The following TBC1D9 variants were observed in gnomAD, a reference collection of about 807,000 sequenced individuals.
The protein encoded by TBC1D9 is TBC1 domain family member 9A.
A neutral mutation model predicts 132.0 loss-of-function variants in TBC1D9; 63 were observed. The observed-to-expected ratio is 0.48, with a 90% CI of 0.39 to 0.59. The LOEUF is 0.59. Among genes scored for constraint, TBC1D9 ranks in the 20% least tolerant of loss-of-function variants. The pLI, the probability that TBC1D9 is intolerant of heterozygous loss-of-function variation, is 0.00. For missense variants in TBC1D9, 1,261 were observed against 1,592.7 expected (o/e 0.79, Z 3.54); for synonymous variants, 610 against 609.9 (o/e 1.00, Z 0.00).
chr4:140,682,081 G>T (rs1737712133), intron 3 of TBC1D9, among the ~76,000 whole-genome samples: 1 of 151,864 alleles, frequency 6.6e-6, no homozygotes, highest in African/African-American at 2.4e-5. Flanking sequence ...CAAATTAAAA[G>T]ATATCTTAAG....
rs537150517 is a variant in TBC1D9, at chr4:140,659,958, C to T, written c.1804-253G>A. ...AGTAAGTGTGCAGGGTCTTCCTTAA[C>T]ACCAATATTCACCAGACAGAGCCCC... On this transcript the variant is annotated intron_variant, in intron 10 of 20. Transcript: ENST00000442267. Among the ~76,000 whole-genome samples, 6 of 152,188 alleles carry T rather than the reference C, an allele frequency of 3.9e-5. No individual in the cohort carries two copies. The South Asian group carries it at 1.0e-3, about 26-fold the overall frequency.
intron 3 of TBC1D9, 63 bp from the exon 4 acceptor site, chr4:140,679,906 C>A (rs925879412): frequency 8.9e-6 from 12 of 1,343,832 alleles, no homozygotes; most frequent in East Asian, 2.5e-5. Flanking sequence ...TGTACATATT[C>A]CAGAAGAAAA....
chr4:140,710,081 A>G (rs941404564), intron 1 of TBC1D9, among the ~76,000 whole-genome samples: 4 of 152,218 alleles, frequency 2.6e-5, no homozygotes, highest in African/African-American at 7.2e-5. Context: ...AATCATTTAT[A>G]TAGCTTTACA....
intron 1 of TBC1D9, among the ~76,000 whole-genome samples, chr4:140,735,154 T>C (rs1179570103): frequency 6.6e-6 from 1 of 152,224 alleles, no homozygotes; most frequent in Non-Finnish European, 1.5e-5. Flanking sequence ...GACATTTATA[T>C]TCTGTTTGAA....
chr4:140,645,077 GC>G, intron 13 of TBC1D9: 1 of 517,462 alleles, frequency 1.9e-6, no homozygotes, highest in Middle Eastern at 3.7e-4. Flanking sequence ...CCAGCACTGG[GC>G]CCCAGGTCAC....
intron 13 of TBC1D9, among the ~76,000 whole-genome samples, chr4:140,650,815 G>T (rs900115416): frequency 2.0e-5 from 3 of 152,144 alleles, no homozygotes; most frequent in Admixed American, 6.5e-5. Context: ...GATTACAGGA[G>T]TGAGCCACCA....
intron 17 of TBC1D9, 88 bp from the exon 18 acceptor site, chr4:140,627,615 T>G (rs552740512): frequency 1.1e-6 from 1 of 905,050 alleles, no homozygotes; most frequent in East Asian, 2.7e-5. Context: ...ATGACATAAG[T>G]GGGGATGAAA....
rs267600024 is a variant in TBC1D9, at chr4:140,662,081, G to T, written c.1615C>A (p.Pro539Thr). The T allele has an allele frequency of 1.1e-5, 17 of 1,613,700 alleles. No homozygotes were observed. Among genetic ancestry groups the T allele is most frequent in the Non-Finnish European group, 1.4e-5 (17 of 1,179,836 alleles). ...SGAINEKATH[P>T]GYYEDLVEKS... ...TCCACTAGGTCTTCATAGTACCCAG[G>T]ATGTGTGGCCTTCTCATTGATGGCA... Residue 539 changes from proline to threonine, a missense_variant, in exon 10 of 21, where the codon CCT (proline) becomes ACT (threonine). This residue lies in a region of TBC1D9 where 550 missense variants were observed against 699.0 expected (regional missense o/e 0.79). Transcript: ENST00000442267.
At chr4:140,715,748 A>G (rs970415678) in intron 1 of TBC1D9, 2 of 152,210 alleles carry the variant, frequency 1.3e-5, no homozygotes, top group Non-Finnish European at 2.9e-5. Flanking sequence ...GTGGAACCTC[A>G]TCACTTTGAG....
intron 1 of TBC1D9, among the ~76,000 whole-genome samples, chr4:140,745,282 T>C (rs1407240074): frequency 6.6e-6 from 1 of 152,238 alleles, no homozygotes; most frequent in Non-Finnish European, 1.5e-5. Context: ...TTAAATATTT[T>C]ACAGAGTTTG....
At chr4:140,730,499 G>A (rs1252246275) in intron 1 of TBC1D9, among the ~76,000 whole-genome samples, 3 of 152,170 alleles carry the variant, frequency 2.0e-5, no homozygotes, top group African/African-American at 7.2e-5. Flanking sequence ...GGCCGAGGCA[G>A]GCAGATCACC....
At chr4:140,623,993 C>A (rs1219275721) in intron 20 of TBC1D9, 123 bp downstream of exon 20, 2 of 719,986 alleles carry the variant, frequency 2.8e-6, no homozygotes, top group Admixed American at 3.7e-5. Context: ...CAAATGGATA[C>A]TAAGTAAAGG....
chr4:140,647,341 T>G (rs939709483), intron 13 of TBC1D9, among the ~76,000 whole-genome samples: 1 of 152,216 alleles, frequency 6.6e-6, no homozygotes, highest in Non-Finnish European at 1.5e-5. Context: ...CTCAGATAAA[T>G]AGCTCTGTAA....
intron 1 of TBC1D9, among the ~76,000 whole-genome samples, chr4:140,704,855 T>A (rs1738126869): frequency 6.6e-6 from 1 of 152,200 alleles, no homozygotes; most frequent in African/African-American, 2.4e-5. Context: ...GGGTTTCTCA[T>A]TAGATGCAAG....
chr4:140,652,128 C>A (rs1181758388), intron 13 of TBC1D9, among the ~76,000 whole-genome samples: 2 of 151,692 alleles, frequency 1.3e-5, no homozygotes, highest in African/African-American at 4.8e-5. Context: ...GTAGTTTCAG[C>A]TACTTGGGAG....
At chr4:140,739,003 A>ATTTTG (rs1738718352) in intron 1 of TBC1D9, among the ~76,000 whole-genome samples, 1 of 152,046 alleles carries the variant, frequency 6.6e-6, no homozygotes, top group African/African-American at 2.4e-5. Context: ...TCAAGACTAA[A>ATTTTG]TTTTGTTTTG....
At chr4:140,736,343 C>T (rs1023021779) in intron 1 of TBC1D9, among the ~76,000 whole-genome samples, 2 of 152,014 alleles carry the variant, frequency 1.3e-5, no homozygotes, top group African/African-American at 4.8e-5. Flanking sequence ...GAGTTTGAGA[C>T]CAGCCTGGCC....
intron 16 of TBC1D9, among the ~76,000 whole-genome samples, chr4:140,629,334 T>C (rs1464673575): frequency 6.6e-6 from 1 of 152,248 alleles, no homozygotes; most frequent in African/African-American, 2.4e-5. Context: ...ATTTTATTTA[T>C]GTTCATATGT....
At chr4:140,657,969 C>T (rs548916862) in intron 11 of TBC1D9, among the ~76,000 whole-genome samples, 157 bp from the exon 12 acceptor site, 2 of 152,346 alleles carry the variant, frequency 1.3e-5, no homozygotes, top group East Asian at 1.9e-4. Flanking sequence ...CAACACAGCT[C>T]AGTCACCAGA....
Sources: gnomAD v4.1 joint callset for allele counts (sites outside exome capture counted in the v4.1 genomes callset) on GRCh38, gnomAD v4.1.1 for gene constraint, gnomAD v4.1.1 regional missense constraint, MANE v1.5 for transcripts, NCBI Gene and HGNC (gene_info 2026-07-23, HGNC 2026-07-21) for gene names.